The following IL1RAPL1 variants were observed in gnomAD, a reference collection of about 807,000 sequenced individuals.
IL1RAPL1 encodes interleukin-1 receptor accessory protein-like 1.
IL1RAPL1 carries 3 observed loss-of-function variants against 48.4 expected under a neutral mutation model. That is an observed-to-expected ratio of 0.06 (90% CI 0.03 to 0.16). The LOEUF is 0.16. Among genes scored for constraint, IL1RAPL1 ranks in the 10% least tolerant of loss-of-function variants. The pLI, the probability that IL1RAPL1 is intolerant of heterozygous loss-of-function variation, is 1.00. For missense variants in IL1RAPL1, 349 were observed against 530.6 expected (o/e 0.66, Z 3.36); for synonymous variants, 185 against 187.7 (o/e 0.99, Z 0.12).
chrX:29,415,683 T>G, intron 5 of IL1RAPL1, among the ~76,000 whole-genome samples: 1 of 112,336 alleles, frequency 8.9e-6, no homozygotes. Flanking sequence ...CCTCCCAAAG[T>G]GCTGGGATTA....
intron 2 of IL1RAPL1, among the ~76,000 whole-genome samples, chrX:29,149,798 CTGAAATTATAACCCTGGGGATT>C (rs1929424521): frequency 8.9e-6 from 1 of 111,766 alleles, no homozygotes; most frequent in African/African-American, 3.2e-5. Flanking sequence ...GATGTGGAGG[CTGAAATTATAACCCTGGGGATT>C]CGTTGATTGT....
In IL1RAPL1 at chrX:29,659,315, C is replaced by T. The variant is rs569159821; in HGVS notation, c.704-9115C>T. 7.8e-4 allele frequency among the ~76,000 whole-genome samples: 87 copies of T among 112,034 alleles called. No homozygotes were observed. In the South Asian group the frequency reaches 0.027, roughly 35 times the overall value. On this transcript the variant is annotated intron_variant, in intron 5 of 10. Transcript: ENST00000378993. Reference sequence around the variant, plus strand: ...TGAGAAAATGTGATATTTTTCTTTCCGTGCCTGGCTTATTTCACGTAATAT... The same window carrying T: ...TGAGAAAATGTGATATTTTTCTTTCTGTGCCTGGCTTATTTCACGTAATAT...
intron 2 of IL1RAPL1, among the ~76,000 whole-genome samples, chrX:28,964,493 A>G (rs1924871773): frequency 8.9e-6 from 1 of 111,811 alleles, no homozygotes; most frequent in African/African-American, 3.2e-5. Flanking sequence ...GATGCATGAT[A>G]TGGTGCTTAT....
chrX:29,691,810 T>C (rs933453613), intron 6 of IL1RAPL1, among the ~76,000 whole-genome samples: 14 of 107,617 alleles, frequency 1.3e-4, no homozygotes, highest in African/African-American at 4.8e-4. Flanking sequence ...AAATTTTGCA[T>C]CTAAGAGCAT....
intron 6 of IL1RAPL1, among the ~76,000 whole-genome samples, chrX:29,739,652 A>G (rs947328358): frequency 1.8e-5 from 2 of 112,231 alleles, no homozygotes; most frequent in African/African-American, 6.5e-5. Context: ...GTGGTCATGT[A>G]TACATAAAGT....
chrX:28,612,198 G>T (rs1934156645), intron 1 of IL1RAPL1, among the ~76,000 whole-genome samples: 1 of 111,681 alleles, frequency 9.0e-6, no homozygotes, highest in Non-Finnish European at 1.9e-5. Context: ...GCTCTGTCCT[G>T]CACTGCGAGA....
chrX:28,666,163 A>G (rs1478158459), intron 1 of IL1RAPL1, among the ~76,000 whole-genome samples: 4 of 111,873 alleles, frequency 3.6e-5, no homozygotes, highest in Admixed American at 9.5e-5. Context: ...TCGGAAGGCG[A>G]TGTTACATAC....
At chrX:29,667,086 G>A (rs1258431669) in intron 5 of IL1RAPL1, among the ~76,000 whole-genome samples, 1 of 112,070 alleles carries the variant, frequency 8.9e-6, no homozygotes, top group Non-Finnish European at 1.9e-5. Context: ...GAATTTCAAA[G>A]CGATTGATCT....
chrX:29,335,213 G>A (rs1932969713), intron 3 of IL1RAPL1, among the ~76,000 whole-genome samples: 1 of 101,651 alleles, frequency 9.8e-6, no homozygotes, highest in Non-Finnish European at 2.0e-5. Context: ...GATGGCAGCA[G>A]TACCGTCCAG....
At chrX:29,045,885 TTCC>T (rs1926945249) in intron 2 of IL1RAPL1, among the ~76,000 whole-genome samples, 1 of 108,544 alleles carries the variant, frequency 9.2e-6, no homozygotes, top group Non-Finnish European at 1.9e-5. Context: ...TAAATTTTTC[TTCC>T]TCCTCCTCCA....
At chrX:29,407,437 C>T (rs1462671903) in intron 5 of IL1RAPL1, among the ~76,000 whole-genome samples, 1 of 112,115 alleles carries the variant, frequency 8.9e-6, no homozygotes, top group Non-Finnish European at 1.9e-5. Context: ...TTCAAATATG[C>T]ATGTATGTTA....
At chrX:29,129,446 G>A (rs1319630004) in intron 2 of IL1RAPL1, among the ~76,000 whole-genome samples, 2 of 110,995 alleles carry the variant, frequency 1.8e-5, no homozygotes, top group Non-Finnish European at 3.8e-5. Context: ...TTGTTTTTAT[G>A]TGTGGGAAAA....
chrX:29,889,621 G>A (rs1049020941), intron 6 of IL1RAPL1, among the ~76,000 whole-genome samples: 5 of 111,515 alleles, frequency 4.5e-5, no homozygotes, highest in African/African-American at 1.6e-4. Flanking sequence ...GTGTATGTGC[G>A]TCCATACATA....
chrX:29,135,342 A>G (rs192088152), intron 2 of IL1RAPL1, among the ~76,000 whole-genome samples: 227 of 111,728 alleles, frequency 2.0e-3, no homozygotes, highest in African/African-American at 7.1e-3. Flanking sequence ...AATAAGTAGA[A>G]CCTCCATACA....
At chrX:29,203,255 C>T (rs1199933156) in intron 2 of IL1RAPL1, among the ~76,000 whole-genome samples, 7 of 111,051 alleles carry the variant, frequency 6.3e-5, no homozygotes, top group Non-Finnish European at 1.1e-4. Flanking sequence ...GATAGGGCCC[C>T]TATCTTTATT....
chrX:29,493,263 A>G lies in IL1RAPL1; in HGVS notation c.703+93955A>G, dbSNP rs765207609. ...GTTTTGTCTGGTGAGAACAGAACCC[A>G]AATCTCTAGGCAACTCTTGTTAACT... On this transcript the variant is annotated intron_variant, in intron 5 of 10. Coordinates refer to ENST00000378993, the MANE Select transcript of IL1RAPL1 (RefSeq NM_014271.4). 4.5e-5 allele frequency among the ~76,000 whole-genome samples: 5 copies of G among 112,066 alleles called. No individual in the cohort carries two copies. In the East Asian group the frequency reaches 1.4e-3, roughly 31 times the overall value.
At chrX:28,853,822 A>G in intron 2 of IL1RAPL1, among the ~76,000 whole-genome samples, 1 of 112,087 alleles carries the variant, frequency 8.9e-6, no homozygotes, top group Non-Finnish European at 1.9e-5. Flanking sequence ...TAAAAGTTTC[A>G]AAGTGTGGTT....
At chrX:29,072,115 C>T (rs1205774965) in intron 2 of IL1RAPL1, among the ~76,000 whole-genome samples, 7 of 110,006 alleles carry the variant, frequency 6.4e-5, no homozygotes, top group Non-Finnish European at 1.1e-4. Context: ...TCCAATGATT[C>T]CCAGCAGGGC....
At chrX:29,817,281 G>A (rs749792979) in intron 6 of IL1RAPL1, among the ~76,000 whole-genome samples, 141 of 111,894 alleles carry the variant, frequency 1.3e-3, no homozygotes, top group African/African-American at 4.4e-3. Flanking sequence ...TGCTTTGGTG[G>A]TACACTTTGA....
Sources: allele counts gnomAD v4.1 joint callset (sites outside exome capture counted in the v4.1 genomes callset), GRCh38; gene constraint gnomAD v4.1.1; transcripts MANE v1.5; gene names NCBI Gene and HGNC (gene_info 2026-07-23, HGNC 2026-07-21).